DLGAP2: variants seen among roughly 807,000 people sequenced by gnomAD.
DLGAP2 encodes the protein disks large-associated protein 2.
A neutral mutation model predicts 100.3 loss-of-function variants in DLGAP2; 26 were observed. The ratio of observed to expected loss-of-function variants is 0.26; its 90% CI spans 0.19 to 0.36. The LOEUF (loss-of-function observed/expected upper bound fraction) is 0.36, where lower values mean the gene tolerates loss of function less well. Among genes scored for constraint, DLGAP2 ranks in the 10% least tolerant of loss-of-function variants. The pLI, the probability that DLGAP2 is intolerant of heterozygous loss-of-function variation, is 1.00. For synonymous variants in DLGAP2, 886 were observed against 630.1 expected (o/e 1.41, Z -6.08); for missense variants, 1,858 against 1,453.2 (o/e 1.28, Z -4.53).
intron 2 of DLGAP2, among the ~76,000 whole-genome samples, chr8:945,307 C>G (rs961162296): frequency 2.6e-5 from 4 of 152,168 alleles, no homozygotes; most frequent in Non-Finnish European, 4.4e-5. Context: ...ATGCATCTCT[C>G]CTTGGCCTGT....
intron 3 of DLGAP2, among the ~76,000 whole-genome samples, chr8:1,407,899 A>T (rs1366984011): frequency 1.3e-5 from 2 of 151,664 alleles, no homozygotes; most frequent in Non-Finnish European, 2.9e-5. Context: ...GGAGTCATGT[A>T]TTGAGTGCTG....
At chr8:1,318,065 C>T (rs528775841) in intron 3 of DLGAP2, among the ~76,000 whole-genome samples, 4 of 37,308 alleles carry the variant, frequency 1.1e-4, no homozygotes, top group South Asian at 1.2e-3. Flanking sequence ...TCGAGACACT[C>T]GTCAGTGTTT....
intron 2 of DLGAP2, among the ~76,000 whole-genome samples, chr8:1,153,152 G>T (rs1796724598): frequency 6.6e-6 from 1 of 152,128 alleles, no homozygotes; most frequent in South Asian, 2.1e-4. Context: ...TTCCTGCAAA[G>T]GGCCTGACCC....
chr8:1,630,138 A>C (rs950045124), intron 7 of DLGAP2, among the ~76,000 whole-genome samples: 1 of 152,108 alleles, frequency 6.6e-6, no homozygotes, highest in Non-Finnish European at 1.5e-5. Context: ...TTGAATTCTC[A>C]GGAAAAAAAA....
intron 3 of DLGAP2, among the ~76,000 whole-genome samples, chr8:1,311,506 A>C (rs79173584): frequency 0.029 from 4,371 of 152,320 alleles, 114 homozygotes; most frequent in Admixed American, 0.082. Flanking sequence ...ATCCCTTATC[A>C]ATGTAGATGC....
intron 4 of DLGAP2, among the ~76,000 whole-genome samples, chr8:1,526,650 C>T (rs924408569): frequency 2.6e-5 from 4 of 152,216 alleles, no homozygotes; most frequent in African/African-American, 9.7e-5. Flanking sequence ...CATCTTTTCA[C>T]TCTGCCATCC....
intron 2 of DLGAP2, among the ~76,000 whole-genome samples, chr8:927,572 A>T (rs1014280255): frequency 1.3e-5 from 2 of 152,164 alleles, no homozygotes; most frequent in Admixed American, 6.5e-5. Flanking sequence ...CAGTGTCCTC[A>T]TAGATCAGAC....
At chr8:1,485,244 G>T (rs540892622) in intron 3 of DLGAP2, among the ~76,000 whole-genome samples, 6 of 152,262 alleles carry the variant, frequency 3.9e-5, no homozygotes, top group African/African-American at 1.4e-4. Context: ...GTATAATTTT[G>T]ATTAGGTTGA....
At chr8:1,667,791 A>G (rs1798582379) in intron 8 of DLGAP2, among the ~76,000 whole-genome samples, 1 of 152,204 alleles carries the variant, frequency 6.6e-6, no homozygotes, top group South Asian at 2.1e-4. Context: ...CCACGATGAC[A>G]TGACCTGCGT....
At chr8:1,194,008 C>G (rs909291881) in intron 2 of DLGAP2, among the ~76,000 whole-genome samples, 10 of 152,150 alleles carry the variant, frequency 6.6e-5, no homozygotes, top group African/African-American at 2.4e-4. Context: ...GGTGAAATTT[C>G]TCCTTGGCAT....
chr8:1,608,284 ACACCT>A (rs1263264885), intron 6 of DLGAP2, among the ~76,000 whole-genome samples: 1 of 114,956 alleles, frequency 8.7e-6, no homozygotes, highest in African/African-American at 2.9e-5. Flanking sequence ...GGGCACACTG[ACACCT>A]CACACGGCAG....
At chr8:949,751 C>T (rs1584916640) in intron 2 of DLGAP2, among the ~76,000 whole-genome samples, 1 of 152,210 alleles carries the variant, frequency 6.6e-6, no homozygotes, top group Non-Finnish European at 1.5e-5. Flanking sequence ...CTGTCAGGAA[C>T]GGGCAGAGAG....
rs193299908 is a variant in DLGAP2, at chr8:1,219,633, A to G, written c.74-39218A>G. ...ATCAGAATGATGCTGACCTCATAGA[A>G]TGAGTTAGGGAGAAGTCCCTCCTCC... On this transcript the variant is annotated intron_variant, in intron 2 of 14. Coordinates refer to ENST00000637795, the MANE Select transcript of DLGAP2 (RefSeq NM_001346810.2). Among the ~76,000 whole-genome samples the G allele has an allele frequency of 3.9e-5, 6 of 152,304 alleles. No individual in the cohort carries two copies. In the East Asian group the frequency reaches 7.7e-4, roughly 20 times the overall value.
At chr8:1,505,434 G>C (rs896055214) in intron 4 of DLGAP2, among the ~76,000 whole-genome samples, 3 of 152,196 alleles carry the variant, frequency 2.0e-5, no homozygotes, top group African/African-American at 7.2e-5. Flanking sequence ...GGAAAGCTGA[G>C]TAGCATTGGC....
chr8:1,197,314 G>C (rs915808105), intron 2 of DLGAP2, among the ~76,000 whole-genome samples: 1 of 151,746 alleles, frequency 6.6e-6, no homozygotes, highest in Non-Finnish European at 1.5e-5. Context: ...TGCTGACACA[G>C]AATTCACCAC....
Position 1,371,002 on chromosome 8 carries a change from A to T in DLGAP2, c.106+112119A>T, listed in dbSNP as rs182846924. Among the ~76,000 whole-genome samples the T allele has an allele frequency of 7.9e-5, 12 of 152,360 alleles. No individual in the cohort carries two copies. In the East Asian group the frequency reaches 1.5e-3, roughly 20 times the overall value. The stretch of plus-strand genomic sequence containing the variant: ...TTACACCATGGATAGTAAGTAGTTT[A>T]TGTGTCAGCCACTTCTAATACCATT... On this transcript the variant is annotated intron_variant, in intron 3 of 14. Coordinates refer to ENST00000637795, the MANE Select transcript of DLGAP2 (RefSeq NM_001346810.2).
chr8:1,227,153 G>GATAGATAGATAGATATATATATATATAT (rs796173465), intron 2 of DLGAP2, among the ~76,000 whole-genome samples: 1 of 89,710 alleles, frequency 1.1e-5, no homozygotes, highest in East Asian at 4.4e-4. Context: ...GAAACTGTGA[G>GATAGATAGATAGATATATATATATATAT]ATATATATAT....
chr8:1,205,963 G>C (rs1227452427), intron 2 of DLGAP2, among the ~76,000 whole-genome samples: 1 of 152,162 alleles, frequency 6.6e-6, no homozygotes, highest in Non-Finnish European at 1.5e-5. Context: ...CTACAGCCTG[G>C]GCAATGTAGA....
intron 2 of DLGAP2, among the ~76,000 whole-genome samples, chr8:1,142,069 T>C (rs1019740967): frequency 1.4e-4 from 14 of 102,968 alleles, no homozygotes; most frequent in South Asian, 2.9e-4. Flanking sequence ...TGCCTACGTA[T>C]ATAAGTTTTT....
Sources: gnomAD v4.1 joint callset for allele counts (sites outside exome capture counted in the v4.1 genomes callset) on GRCh38, gnomAD v4.1.1 for gene constraint, MANE v1.5 for transcripts, NCBI Gene and HGNC (gene_info 2026-07-23, HGNC 2026-07-21) for gene names.